TRMT9B: variants seen among roughly 807,000 people sequenced by gnomAD.
The protein encoded by TRMT9B is tRNA methyltransferase 9B (putative), also known as probable tRNA methyltransferase 9B.
A neutral mutation model predicts 11.5 loss-of-function variants in TRMT9B; 16 were observed. That is an observed-to-expected ratio of 1.39 (90% CI 0.94 to 2.11). TRMT9B has a LOEUF of 2.11. Ranked by LOEUF, TRMT9B falls within the 30% of genes most tolerant of loss-of-function variation. TRMT9B has a pLI of 0.00. For missense variants in TRMT9B, 941 were observed against 553.8 expected, an observed-to-expected ratio of 1.70 and a Z score of -7.02; for synonymous variants, 274 against 192.4, an observed-to-expected ratio of 1.42 and a Z score of -3.51.
chr8:12,951,070 G>C (rs562556477), intron 1 of TRMT9B, among the ~76,000 whole-genome samples: 26 of 152,322 alleles, frequency 1.7e-4, no homozygotes, highest in African/African-American at 5.8e-4. Context: ...GAAGAAAGTA[G>C]TTAACGCTAT....
At chr8:12,991,245 AT>A (rs1454341663) in intron 2 of TRMT9B, among the ~76,000 whole-genome samples, 1 of 152,208 alleles carries the variant, frequency 6.6e-6, no homozygotes, top group Non-Finnish European at 1.5e-5. Flanking sequence ...CATATTTAGC[AT>A]TTTTAGAAAG....
At chr8:13,006,405 G>T (rs1158897960) in intron 3 of TRMT9B, 49 bp downstream of exon 3, 1 of 1,476,888 alleles carries the variant, frequency 6.8e-7, no homozygotes, top group African/African-American at 1.4e-5. Flanking sequence ...CAGCCTCATC[G>T]CTGACATAGG....
In TRMT9B at chr8:12,991,031, G is replaced by A. The variant is rs1050705195; in HGVS notation, c.-2G>A. ...TTTCCTGTAATCACAGGATGACTCAGGTTAGTAGCTTTCAGCGCTTCTGCA... is the reference window on the plus strand; with the variant it reads ...TTTCCTGTAATCACAGGATGACTCAAGTTAGTAGCTTTCAGCGCTTCTGCA... On this transcript the variant is annotated splice_region_variant and 5_prime_UTR_variant, in exon 2 of 5. Coordinates refer to ENST00000524591, the MANE Select transcript of TRMT9B (RefSeq NM_020844.3). The A allele has an allele frequency of 2.5e-6, 3 of 1,223,332 alleles. No individual in the cohort carries two copies. Among genetic ancestry groups the A allele is most frequent in the Non-Finnish European group, 3.1e-6 (3 of 953,966 alleles). 75.8% of individuals were successfully genotyped at this position (1,223,332 alleles called of 1,614,324 possible).
chr8:12,993,767 C>T (rs1013153319), intron 2 of TRMT9B, among the ~76,000 whole-genome samples: 3 of 152,240 alleles, frequency 2.0e-5, no homozygotes, highest in South Asian at 2.1e-4. Flanking sequence ...ATCTCTTTCA[C>T]TGTGGCCCCC....
At chr8:12,994,961 C>T (rs186639786) in intron 2 of TRMT9B, among the ~76,000 whole-genome samples, 21 of 152,188 alleles carry the variant, frequency 1.4e-4, no homozygotes, top group Admixed American at 1.2e-3. Flanking sequence ...GAATTACAGG[C>T]GTGAGCCCCC....
chr8:12,994,576 A>G (rs954441540), intron 2 of TRMT9B, among the ~76,000 whole-genome samples: 1 of 152,220 alleles, frequency 6.6e-6, no homozygotes, highest in African/African-American at 2.4e-5. Flanking sequence ...CTTTCCCTGA[A>G]AAGCAGGCTA....
intron 2 of TRMT9B, among the ~76,000 whole-genome samples, chr8:12,991,731 A>C (rs1243409304): frequency 6.6e-6 from 1 of 152,064 alleles, no homozygotes; most frequent in Admixed American, 6.6e-5. Flanking sequence ...TCCGGAGTTC[A>C]AGACCAGCCT....
chr8:13,006,758 T>A, intron 3 of TRMT9B: 1 of 763,768 alleles, frequency 1.3e-6, no homozygotes, highest in Non-Finnish European at 1.7e-6. Context: ...AAACTCCGCC[T>A]CCCAGGTTCA....
At chr8:12,972,687 G>A (rs988411608) in intron 1 of TRMT9B, among the ~76,000 whole-genome samples, 14 of 152,138 alleles carry the variant, frequency 9.2e-5, no homozygotes, top group African/African-American at 3.4e-4. Flanking sequence ...AGTGTTTGGA[G>A]GGGAGAGACA....
intron 1 of TRMT9B, among the ~76,000 whole-genome samples, chr8:12,977,951 C>G (rs934525954): frequency 6.6e-6 from 1 of 152,136 alleles, no homozygotes; most frequent in African/African-American, 2.4e-5. Context: ...ACTGCTTGAG[C>G]CTGGGAGGTC....
chr8:13,021,230 C>T lies in TRMT9B; in HGVS notation c.551C>T (p.Pro184Leu). ...QSGRKRQCGY[P>L]ERGHPYHPPC... ...GGGAGGAAGAGGCAGTGTGGATACC[C>T]AGAAAGAGGCCATCCCTACCATCCT... Residue 184 changes from proline to leucine, a missense_variant, in exon 5 of 5, where the codon CCA (proline) becomes CTA (leucine). Pro to Leu is a moderately conservative substitution (Grantham distance 98). Coordinates refer to ENST00000524591, the MANE Select transcript of TRMT9B (RefSeq NM_020844.3). 6.2e-7 allele frequency: 1 copy of T among 1,613,866 alleles called. No individual in the cohort carries two copies.
At chr8:12,962,442 T>C (rs1802248676) in intron 1 of TRMT9B, among the ~76,000 whole-genome samples, 1 of 152,166 alleles carries the variant, frequency 6.6e-6, no homozygotes, top group African/African-American at 2.4e-5. Flanking sequence ...CAGAAGATTT[T>C]CGTTCTCCTT....
intron 3 of TRMT9B, 97 bp from the exon 4 acceptor site, chr8:13,012,587 T>G: frequency 1.4e-6 from 2 of 1,413,374 alleles, no homozygotes; most frequent in Non-Finnish European, 1.9e-6. Context: ...AATAAATAAA[T>G]AAATAAAAGG....
In TRMT9B at chr8:12,977,701, AAAACAAAC is replaced by A. The variant is rs761568542; in HGVS notation, c.-199-13120_-199-13113del. Among the ~76,000 whole-genome samples the A allele has an allele frequency of 3.9e-5, 6 of 152,038 alleles. No individual in the cohort carries two copies. The South Asian group carries it at 1.2e-3, about 32-fold the overall frequency. On this transcript the variant is annotated intron_variant, in intron 1 of 4. Transcript: ENST00000524591. ...TGTGACAGAGCAAGACTCTGTCTCA[AAAACAAAC>A]AAACAAACAAACTATATTCTTGCAG...
chr8:13,013,364 T>C (rs966371667), intron 4 of TRMT9B, among the ~76,000 whole-genome samples: 7 of 152,158 alleles, frequency 4.6e-5, no homozygotes, highest in African/African-American at 1.7e-4. Flanking sequence ...ATTGCATTGT[T>C]TTTATAATGC....
chr8:12,988,703 TC>T (rs1806769804), intron 1 of TRMT9B, among the ~76,000 whole-genome samples: 1 of 152,094 alleles, frequency 6.6e-6, no homozygotes, highest in Admixed American at 6.6e-5. Context: ...TTCAATTACC[TC>T]CCACCAGTTC....
At chr8:13,010,345 A>C (rs770117601) in intron 3 of TRMT9B, 8 of 972,790 alleles carry the variant, frequency 8.2e-6, no homozygotes, top group Non-Finnish European at 9.8e-6. Flanking sequence ...AAGAAGAAAG[A>C]AATGAAAAAG....
chr8:12,983,778 T>G (rs117240136), intron 1 of TRMT9B, among the ~76,000 whole-genome samples: 450 of 152,268 alleles, frequency 3.0e-3, no homozygotes, highest in Admixed American at 5.2e-3. Context: ...CCTCAAAAAA[T>G]AAAATACAGG....
chr8:13,011,211 C>T (rs772765516), intron 3 of TRMT9B: 9 of 684,588 alleles, frequency 1.3e-5, no homozygotes, highest in Non-Finnish European at 1.6e-5. Flanking sequence ...GTCTCGAACT[C>T]CTGCCCTCAA....
Sources: gnomAD v4.1 joint callset for allele counts (sites outside exome capture counted in the v4.1 genomes callset) on GRCh38, gnomAD v4.1.1 for gene constraint, MANE v1.5 for transcripts, NCBI Gene and HGNC (gene_info 2026-07-23, HGNC 2026-07-21) for gene names.